Variants in ROBO2 observed in about 807,000 individuals in gnomAD.
The protein encoded by ROBO2 is roundabout guidance receptor 2, also known as roundabout homolog 2.
ROBO2 carries 53 observed loss-of-function variants against 160.8 expected under a neutral mutation model. That is an observed-to-expected ratio of 0.33 (90% CI 0.26 to 0.41). ROBO2 has a LOEUF of 0.41. Ranked by LOEUF, ROBO2 falls within the 10% of genes least tolerant of loss-of-function variation. The pLI, the probability that ROBO2 is intolerant of heterozygous loss-of-function variation, is 1.00. For missense variants in ROBO2, 1,577 were observed against 1,722.4 expected (o/e 0.92, Z 1.49); for synonymous variants, 664 against 611.7 (o/e 1.09, Z -1.26).
intron 2 of ROBO2, among the ~76,000 whole-genome samples, chr3:76,929,589 A>G (rs2149043767): frequency 6.6e-6 from 1 of 152,342 alleles, no homozygotes; most frequent in Non-Finnish European, 1.5e-5. Context: ...TTGTCAAAAC[A>G]GCAGACAAGA....
intron 6 of ROBO2, among the ~76,000 whole-genome samples, chr3:77,532,648 A>G (rs1030890279): frequency 6.6e-6 from 1 of 151,834 alleles, no homozygotes; most frequent in Non-Finnish European, 1.5e-5. Flanking sequence ...TGATTTCTCA[A>G]TGACAATATA....
chr3:76,935,267 T>G (rs941875012), intron 2 of ROBO2, among the ~76,000 whole-genome samples: 6 of 152,118 alleles, frequency 3.9e-5, no homozygotes, highest in Non-Finnish European at 5.9e-5. Flanking sequence ...CTTACAAAAA[T>G]TTTTCCAAAA....
At chr3:76,442,246 G>A (rs2076956074) in intron 2 of ROBO2, among the ~76,000 whole-genome samples, 1 of 152,196 alleles carries the variant, frequency 6.6e-6, no homozygotes, top group Non-Finnish European at 1.5e-5. Context: ...AAAACCCGAG[G>A]ATATATTGTG....
chr3:76,917,183 A>C (rs1012730359), intron 2 of ROBO2, among the ~76,000 whole-genome samples: 3 of 152,158 alleles, frequency 2.0e-5, no homozygotes, highest in Admixed American at 1.3e-4. Context: ...CTTCATTTTT[A>C]TGTTCTACGT....
intron 2 of ROBO2, among the ~76,000 whole-genome samples, chr3:76,622,223 GAAGGAAGGAAGGAAGAAAGA>G (rs2089168975): frequency 1.3e-3 from 30 of 23,682 alleles, no homozygotes; most frequent in African/African-American, 2.3e-3. Flanking sequence ...AGGAAGGAAG[GAAGGAAGGAAGGAAGAAAGA>G]AAGAAAGAAA....
intron 21 of ROBO2, among the ~76,000 whole-genome samples, chr3:77,612,622 TCA>T (rs928751404): frequency 3.3e-5 from 5 of 151,942 alleles, no homozygotes; most frequent in African/African-American, 9.7e-5. Context: ...TAAATTATCT[TCA>T]CACACACACA....
chr3:77,072,397 A>T (rs778742946), intron 1 of ROBO2, among the ~76,000 whole-genome samples: 1 of 152,160 alleles, frequency 6.6e-6, no homozygotes, highest in East Asian at 1.9e-4. Context: ...ACACTACTCC[A>T]TGGAAAAAGT....
intron 2 of ROBO2, among the ~76,000 whole-genome samples, chr3:76,450,362 C>A (rs1292922080): frequency 6.6e-6 from 1 of 152,110 alleles, no homozygotes; most frequent in East Asian, 1.9e-4. Context: ...AACTAATTTT[C>A]AGTCATAAAA....
intron 2 of ROBO2, among the ~76,000 whole-genome samples, chr3:77,351,642 C>T (rs2068346969): frequency 6.6e-6 from 1 of 152,056 alleles, no homozygotes; most frequent in Non-Finnish European, 1.5e-5. Flanking sequence ...GAGGTACCTC[C>T]TTAGACATCA....
chr3:77,405,908 G>C (rs2076216504), intron 2 of ROBO2, among the ~76,000 whole-genome samples: 1 of 152,148 alleles, frequency 6.6e-6, no homozygotes, highest in South Asian at 2.1e-4. Flanking sequence ...GTCATGAAAA[G>C]ATAAACGTGA....
rs536706519 is a variant in ROBO2 at position 76,637,985 on chromosome 3, A to T, written c.110-460029A>T. 9.8e-4 allele frequency among the ~76,000 whole-genome samples: 149 copies of T among 152,316 alleles called. 1 individual carries two copies. Among genetic ancestry groups the T allele is most frequent in the Middle Eastern group, 3.4e-3 (1 of 292 alleles). On this transcript the variant is annotated intron_variant, in intron 2 of 26. Coordinates refer to the ROBO2 transcript ENST00000487694. ...AATTCAGATGAATAGAACTGACTTA[A>T]TTTGCATTTTCTTATAGTATTAAGT...
chr3:77,315,585 C>T (rs185363086), intron 2 of ROBO2, among the ~76,000 whole-genome samples: 148 of 152,286 alleles, frequency 9.7e-4, no homozygotes, highest in Admixed American at 8.9e-3. Context: ...GGGCTGTTAT[C>T]AGTTAGGAAT....
At chr3:77,176,746 A>G (rs13322211) in intron 2 of ROBO2, among the ~76,000 whole-genome samples, 60,034 of 151,784 alleles carry the variant, frequency 0.4, 12,421 homozygotes, top group Middle Eastern at 0.54. Context: ...ACTGCATTAT[A>G]TTAAAACTGT....
intron 2 of ROBO2, among the ~76,000 whole-genome samples, chr3:76,157,077 G>A (rs2072436057): frequency 1.3e-5 from 2 of 152,302 alleles, no homozygotes; most frequent in Non-Finnish European, 1.5e-5. Flanking sequence ...AGAGAGAATT[G>A]ATATCCTCGG....
chr3:76,579,786 CAAA>C (rs5850267), intron 2 of ROBO2, among the ~76,000 whole-genome samples: 18 of 107,138 alleles, frequency 1.7e-4, no homozygotes, highest in Middle Eastern at 4.3e-3. Context: ...GGTTGAGTTA[CAAA>C]AAAAAAAAAA....
At chr3:77,135,436 T>C (rs2150382142) in intron 2 of ROBO2, among the ~76,000 whole-genome samples, 1 of 152,310 alleles carries the variant, frequency 6.6e-6, no homozygotes, top group South Asian at 2.1e-4. Context: ...GGTTTCTCTC[T>C]GTCACCCAGG....
chr3:75,930,111 C>G (rs1559760217), intron 1 of ROBO2, among the ~76,000 whole-genome samples: 1 of 152,138 alleles, frequency 6.6e-6, no homozygotes, highest in Non-Finnish European at 1.5e-5. Context: ...CCTCTGTTCC[C>G]CATTTTTTGA....
intron 2 of ROBO2, among the ~76,000 whole-genome samples, chr3:76,206,724 G>A (rs1702831295): frequency 6.6e-6 from 1 of 152,160 alleles, no homozygotes; most frequent in African/African-American, 2.4e-5. Flanking sequence ...CATCTTGGAA[G>A]ATATGCTTCA....
intron 2 of ROBO2, among the ~76,000 whole-genome samples, chr3:77,160,410 G>A (rs937779470): frequency 1.6e-4 from 24 of 152,010 alleles, no homozygotes; most frequent in African/African-American, 5.8e-4. Flanking sequence ...TAGATAAATT[G>A]TATTTATGCA....
Sources: gnomAD v4.1 joint callset for allele counts (sites outside exome capture counted in the v4.1 genomes callset) on GRCh38, gnomAD v4.1.1 for gene constraint, MANE v1.5 for transcripts, NCBI Gene and HGNC (gene_info 2026-07-23, HGNC 2026-07-21) for gene names.